The following TRIOBP variants were observed in gnomAD, a reference collection of about 807,000 sequenced individuals.
TRIOBP encodes TRIO and F-actin binding protein, also known as TRIO and F-actin-binding protein.
A neutral mutation model predicts 238.8 loss-of-function variants in TRIOBP; 169 were observed. That is an observed-to-expected ratio of 0.71 (90% CI 0.62 to 0.80). The LOEUF is 0.80. Ranked by LOEUF, TRIOBP falls within the 30% of genes least tolerant of loss-of-function variation. The pLI is 0.00. For synonymous variants in TRIOBP, 1,150 were observed against 1,274.4 expected (o/e 0.90, Z 2.08); for missense variants, 2,838 against 3,122.6 (o/e 0.91, Z 2.17).
intron 4 of TRIOBP, among the ~76,000 whole-genome samples, chr22:37,712,482 C>A (rs1226103924): frequency 6.6e-6 from 1 of 152,030 alleles, no homozygotes; most frequent in Non-Finnish European, 1.5e-5. Context: ...CAGGTGTGTG[C>A]CACCACCATG....
chr22:37,702,316 C>T (rs1446184150), intron 3 of TRIOBP, among the ~76,000 whole-genome samples: 7 of 151,828 alleles, frequency 4.6e-5, no homozygotes, highest in South Asian at 2.1e-4. Context: ...GCGATCCTCC[C>T]GCCTCAGCCT....
Position 37,768,070 on chromosome 22 carries a change from C to T in TRIOBP, c.6473-4C>T. The T allele has an allele frequency of 1.2e-6, 2 of 1,610,210 alleles. No homozygotes were observed. Among genetic ancestry groups the T allele is most frequent in the Non-Finnish European group, 1.7e-6 (2 of 1,178,182 alleles). On this transcript the variant is annotated splice_region_variant and splice_polypyrimidine_tract_variant and intron_variant, in intron 18 of 23. Transcript: ENST00000644935. ...TCTCTTGTGCCTCTCTGCCCTGCTT[C>T]CAGCCATTGAAGCCATGAAGAAGGC... is the stretch of plus-strand genomic sequence containing the variant.
rs1176672068 is a variant in TRIOBP, at chr22:37,752,196, CAG to C, written c.5379+369_5379+370del. Among the ~76,000 whole-genome samples, 7 of 152,176 alleles carry C rather than the reference CAG, an allele frequency of 4.6e-5. No individual in the cohort carries two copies. In the East Asian group the frequency reaches 9.6e-4, roughly 21 times the overall value. ...AGCCTGGTCTGAGGGGGGTGGGGCT[CAG>C]GGCGCAGGTGCTGGGGTTTCACCCA... On this transcript the variant is annotated intron_variant, in intron 12 of 23. Transcript: ENST00000644935.
At chr22:37,703,927 A>T (rs1922793002) in intron 3 of TRIOBP, among the ~76,000 whole-genome samples, 1 of 152,180 alleles carries the variant, frequency 6.6e-6, no homozygotes, top group African/African-American at 2.4e-5. Context: ...GGTTGGGAAG[A>T]TGGCAAGAAT....
chr22:37,716,762 T>C (rs1923542235), intron 6 of TRIOBP, among the ~76,000 whole-genome samples: 1 of 152,188 alleles, frequency 6.6e-6, no homozygotes, highest in Non-Finnish European at 1.5e-5. Context: ...AGGAAAGTCA[T>C]GTAATTAAAC....
At chr22:37,746,483 G>A in intron 11 of TRIOBP, 1 of 1,321,930 alleles carries the variant, frequency 7.6e-7, no homozygotes, top group Non-Finnish European at 9.9e-7. Flanking sequence ...CCGAGGCAGA[G>A]CCCAGCCTCT....
In TRIOBP at chr22:37,775,583, C is replaced by G. The variant is rs548436365; in HGVS notation, c.*1803C>G. 2 of 152,058 alleles carry G rather than the reference C, an allele frequency of 1.3e-5. No individual in the cohort carries two copies. The highest frequency in any genetic ancestry group is 6.6e-5 in the Admixed American group (1 of 15,254). 9.4% of individuals were successfully genotyped at this position (152,058 alleles called of 1,614,324 possible). On this transcript the variant is annotated 3_prime_UTR_variant, in exon 24 of 24. Transcript: ENST00000644935. ...GGGGGATCACTTGAGGTCAGGAGTTCGAGACCAGCCTGGCCAACATGGTGA... is the reference window on the plus strand; with the variant it reads ...GGGGGATCACTTGAGGTCAGGAGTTGGAGACCAGCCTGGCCAACATGGTGA...
In TRIOBP at chr22:37,697,712, G is replaced by A. The variant is rs1156828380; in HGVS notation, c.-61+16G>A. Reference sequence around the variant, plus strand: ...AACACAGCAGGTGAGGATGGATGTGGGCAGGTGACCTGGGGGCACCAAAAG... The same window carrying A: ...AACACAGCAGGTGAGGATGGATGTGAGCAGGTGACCTGGGGGCACCAAAAG... On this transcript the variant is annotated intron_variant, in intron 2 of 23. Coordinates refer to ENST00000644935, the MANE Select transcript of TRIOBP (RefSeq NM_001039141.3). 6.6e-6 allele frequency: 1 copy of A among 152,336 alleles called. No homozygotes were observed. The highest frequency in any genetic ancestry group is 6.5e-5 in the Admixed American group (1 of 15,274). 9.4% of individuals were successfully genotyped at this position (152,336 alleles called of 1,614,324 possible).
At chr22:37,736,242 G>T (rs1924662646) in intron 9 of TRIOBP, among the ~76,000 whole-genome samples, 1 of 152,178 alleles carries the variant, frequency 6.6e-6, no homozygotes, top group African/African-American at 2.4e-5. Context: ...CTGCACCCTG[G>T]CAATAGCTCA....
intron 11 of TRIOBP, among the ~76,000 whole-genome samples, chr22:37,744,514 G>A (rs775532110): frequency 1.3e-5 from 2 of 152,192 alleles, no homozygotes; most frequent in African/African-American, 2.4e-5. Flanking sequence ...GAGCAGGGAA[G>A]TGGTCTGGTC....
At position 37,753,101 on chromosome 22, in the gene TRIOBP, G is replaced by A. The variant is rs146141006; in HGVS notation, c.5379+1273G>A. On this transcript the variant is annotated intron_variant, in intron 12 of 23. Coordinates refer to ENST00000644935, the MANE Select transcript of TRIOBP (RefSeq NM_001039141.3). The stretch of plus-strand genomic sequence containing the variant: ...AATTGAGGTCTGCAGCAGCAACTCC[G>A]TTTACTTAGTGAGAGGAAAATGCTT... 2.0e-3 allele frequency among the ~76,000 whole-genome samples: 307 copies of A among 152,204 alleles called. 2 individuals are homozygous for A. The highest frequency in any genetic ancestry group is 6.9e-3 in the African/African-American group (287 of 41,524).
rs200624451 is a variant in TRIOBP at position 37,713,199 on chromosome 22, T to G, written c.255-11T>G. 3 of 1,611,252 alleles carry G rather than the reference T, an allele frequency of 1.9e-6. No homozygotes were observed. The highest frequency in any genetic ancestry group is 1.7e-4 in the Middle Eastern group (1 of 6,038). On this transcript the variant is annotated splice_polypyrimidine_tract_variant and intron_variant, in intron 4 of 23. Transcript: ENST00000644935. ...CTCCCCATTACTTTTTGGGTCTGTC[T>G]CCTCTCCCAGGGGCCCATCCCCCTC... is the stretch of plus-strand genomic sequence containing the variant.
rs566772964 is a variant in TRIOBP, at chr22:37,770,310, C to T, written c.6849+935C>T. ...AAAATTACCCGGGCGTGGTGGCGGG[C>T]GCGGTGGCGGGTGCCTGTAGTCCCA... On this transcript the variant is annotated intron_variant, in intron 21 of 23. Transcript: ENST00000644935. Among the ~76,000 whole-genome samples the T allele has an allele frequency of 5.8e-3, 857 of 149,040 alleles. 6 individuals are homozygous for T. Among genetic ancestry groups the T allele is most frequent in the African/African-American group, 0.02 (805 of 40,868 alleles).
intron 7 of TRIOBP, among the ~76,000 whole-genome samples, chr22:37,727,970 A>G (rs1924255889): frequency 6.6e-6 from 1 of 152,246 alleles, no homozygotes; most frequent in Non-Finnish European, 1.5e-5. Flanking sequence ...AAAACTTTCC[A>G]TGTATATAAT....
intron 2 of TRIOBP, among the ~76,000 whole-genome samples, chr22:37,697,935 C>G (rs1043393099): frequency 5.3e-5 from 8 of 152,158 alleles, no homozygotes; most frequent in African/African-American, 1.7e-4. Flanking sequence ...CGCGGTGGCT[C>G]AAGCCTGTAA....
In TRIOBP at chr22:37,726,126, T is replaced by A; in HGVS notation, c.3570T>A (p.Asp1190Glu). ...CTGAGCCATCCCTCTTCTTCCAGGA[T>A]CCCCCTGGAACTAGTATGGAGAGCC... ...QAPEPSLFFQ[D>E]PPGTSMESLA... The change falls in exon 7 of 24, where the codon GAT becomes GAA. Residue 1190 changes from aspartate (D) to glutamate (E), a missense_variant. Transcript: ENST00000644935. 1 of 1,548,532 alleles carries A rather than the reference T, an allele frequency of 6.5e-7. No individual in the cohort carries two copies. Among genetic ancestry groups the A allele is most frequent in the Non-Finnish European group, 8.7e-7 (1 of 1,143,334 alleles).
intron 3 of TRIOBP, among the ~76,000 whole-genome samples, chr22:37,708,096 A>G (rs1351970464): frequency 1.3e-5 from 2 of 150,414 alleles, no homozygotes; most frequent in East Asian, 3.9e-4. Flanking sequence ...AATACAAAAA[A>G]TTAGCTGGGC....
intron 11 of TRIOBP, chr22:37,750,778 G>A (rs1925549269): frequency 2.1e-6 from 1 of 467,798 alleles, no homozygotes. Context: ...GGTGGAGAGT[G>A]GGTCGGGAGA....
chr22:37,715,500 G>A (rs973340623), intron 5 of TRIOBP, among the ~76,000 whole-genome samples: 14 of 151,842 alleles, frequency 9.2e-5, no homozygotes, highest in South Asian at 6.3e-4. Context: ...CCGCCACCAC[G>A]CCCAGCTAAT....
Sources: allele counts gnomAD v4.1 joint callset (sites outside exome capture counted in the v4.1 genomes callset), GRCh38; gene constraint gnomAD v4.1.1; transcripts MANE v1.5; gene names NCBI Gene and HGNC (gene_info 2026-07-23, HGNC 2026-07-21).